Variants in AUH observed in about 807,000 individuals in gnomAD.
AUH encodes AU RNA binding methylglutaconyl-CoA hydratase, also known as methylglutaconyl-CoA hydratase, mitochondrial.
Under a neutral mutation model 42.3 loss-of-function variants are expected in AUH, and 29 were observed. The ratio of observed to expected loss-of-function variants is 0.69; its 90% CI spans 0.51 to 0.93. The LOEUF is 0.93. Among genes scored for constraint, AUH ranks in the 40% least tolerant of loss-of-function variants. The pLI is 0.00. For synonymous variants in AUH, 174 were observed against 166.4 expected (o/e 1.05, Z -0.35); for missense variants, 452 against 438.1 (o/e 1.03, Z -0.28).
At chr9:91,248,507 G>A (rs1828921766) in intron 6 of AUH, among the ~76,000 whole-genome samples, 1 of 152,232 alleles carries the variant, frequency 6.6e-6, no homozygotes, top group East Asian at 1.9e-4. Context: ...GGAAGCCTGT[G>A]GGAAGCGGGA....
At chr9:91,294,027 A>C (rs1345998492) in intron 6 of AUH, among the ~76,000 whole-genome samples, 1 of 152,238 alleles carries the variant, frequency 6.6e-6, no homozygotes, top group Non-Finnish European at 1.5e-5. Flanking sequence ...CCTGGATGAC[A>C]GTGCATCTGG....
chr9:91,219,480 A>G (rs1827012659), intron 7 of AUH, among the ~76,000 whole-genome samples: 1 of 152,208 alleles, frequency 6.6e-6, no homozygotes, highest in Admixed American at 6.5e-5. Flanking sequence ...CTTCTCTCAT[A>G]TTTGGGAAGA....
intron 3 of AUH, among the ~76,000 whole-genome samples, chr9:91,339,295 C>A (rs186545387): frequency 3.8e-4 from 58 of 152,282 alleles, no homozygotes; most frequent in African/African-American, 2.4e-5. Flanking sequence ...ATTGAAAAAT[C>A]GCTAAGTCAA....
chr9:91,319,743 G>A (rs1261507642), intron 4 of AUH, among the ~76,000 whole-genome samples: 1 of 152,212 alleles, frequency 6.6e-6, no homozygotes, highest in African/African-American at 2.4e-5. Flanking sequence ...GGGCTGGCAG[G>A]CCACTGCGCA....
intron 6 of AUH, among the ~76,000 whole-genome samples, chr9:91,263,108 A>G (rs1829788299): frequency 6.6e-6 from 1 of 152,210 alleles, no homozygotes; most frequent in Non-Finnish European, 1.5e-5. Context: ...CCAAGAACGC[A>G]AACTAGGTCT....
chr9:91,306,386 G>A lies in AUH; in HGVS notation c.506-8310C>T, dbSNP rs149675224. 4,349 of 984,892 alleles carry A rather than the reference G, an allele frequency of 4.4e-3. 17 individuals are homozygous for A. The highest frequency in any genetic ancestry group is 5.0e-3 in the Non-Finnish European group (4,140 of 829,590). The allele number at this position is 984,892 out of a possible 1,614,324, so 61.0% of individuals were successfully genotyped here. A position where few individuals can be genotyped will look rare whatever the true frequency, so the allele number is the denominator to read the frequency against. The stretch of plus-strand genomic sequence containing the variant: ...CTGTTCCACATTTAACAAAACTCTT[G>A]GCATTTAAAATGCTGCTTAACATGG... On this transcript the variant is annotated intron_variant, in intron 4 of 9. Transcript: ENST00000375731.
chr9:91,226,776 C>T (rs1365919957), intron 6 of AUH, among the ~76,000 whole-genome samples: 8 of 120,158 alleles, frequency 6.7e-5, no homozygotes, highest in African/African-American at 2.5e-4. Flanking sequence ...ATATGGCTAG[C>T]CAGTTTTCCC....
At chr9:91,218,075 C>T (rs913082182) in intron 7 of AUH, among the ~76,000 whole-genome samples, 1 of 152,112 alleles carries the variant, frequency 6.6e-6, no homozygotes, top group Non-Finnish European at 1.5e-5. Flanking sequence ...GAATTCAATG[C>T]TATATTTTGA....
chr9:91,271,744 A>G (rs1825146923), intron 6 of AUH, among the ~76,000 whole-genome samples: 2 of 152,164 alleles, frequency 1.3e-5, no homozygotes, highest in African/African-American at 4.8e-5. Flanking sequence ...GCAATGGCGC[A>G]ATCTCAGCTC....
intron 6 of AUH, chr9:91,294,646 C>T (rs1564073392): frequency 2.2e-6 from 1 of 453,062 alleles, no homozygotes; most frequent in Admixed American, 2.4e-5. Flanking sequence ...TGAAAACCTT[C>T]TGGAAAGGAT....
chr9:91,261,491 C>A (rs1352646940), intron 6 of AUH, among the ~76,000 whole-genome samples: 3 of 152,054 alleles, frequency 2.0e-5, no homozygotes, highest in Non-Finnish European at 4.4e-5. Flanking sequence ...GCTTACAGTT[C>A]TCTTTCTCTG....
chr9:91,226,161 C>A (rs1176353600), intron 6 of AUH, among the ~76,000 whole-genome samples: 1 of 150,684 alleles, frequency 6.6e-6, no homozygotes, highest in Non-Finnish European at 1.5e-5. Flanking sequence ...GTTTACAGTC[C>A]CACCAACAGT....
chr9:91,256,519 G>A (rs962079055), intron 6 of AUH, among the ~76,000 whole-genome samples: 14 of 151,996 alleles, frequency 9.2e-5, no homozygotes, highest in African/African-American at 3.4e-4. Context: ...AGAAGGGAGA[G>A]GAGGAAAGTC....
chr9:91,231,143 C>T (rs1355775468), intron 6 of AUH, among the ~76,000 whole-genome samples: 1 of 152,196 alleles, frequency 6.6e-6, no homozygotes, highest in Non-Finnish European at 1.5e-5. Context: ...GTGCCCCTCC[C>T]CCAGCCTCGG....
intron 6 of AUH, among the ~76,000 whole-genome samples, chr9:91,239,817 C>T (rs1828403734): frequency 6.6e-6 from 1 of 152,096 alleles, no homozygotes; most frequent in East Asian, 1.9e-4. Flanking sequence ...ACTGGCTCAA[C>T]CCCAGCAGAA....
chr9:91,352,611 G>A (rs2132057711), intron 3 of AUH, among the ~76,000 whole-genome samples: 1 of 152,096 alleles, frequency 6.6e-6, no homozygotes, highest in South Asian at 2.1e-4. Flanking sequence ...GAAATCACTT[G>A]GCCCAACCTC....
intron 6 of AUH, among the ~76,000 whole-genome samples, chr9:91,252,567 C>T (rs1829194390): frequency 6.6e-6 from 1 of 152,152 alleles, no homozygotes; most frequent in Admixed American, 6.5e-5. Flanking sequence ...ACAACAAAGA[C>T]TGTGTGTGGC....
chr9:91,244,778 C>T lies in AUH; in HGVS notation c.656-23786G>A, dbSNP rs569058646. Reference sequence around the variant, plus strand: ...TAGACATGACGAGTATTAATTACTGCTCTCCTAGCAAGAACCATCAAAGTA... The same window carrying T: ...TAGACATGACGAGTATTAATTACTGTTCTCCTAGCAAGAACCATCAAAGTA... On this transcript the variant is annotated intron_variant, in intron 6 of 9. Transcript: ENST00000375731. 8.5e-5 allele frequency among the ~76,000 whole-genome samples: 13 copies of T among 152,262 alleles called. No homozygotes were observed. In the East Asian group the frequency reaches 2.3e-3, roughly 27 times the overall value.
At chr9:91,288,161 A>G (rs1826565961) in intron 6 of AUH, among the ~76,000 whole-genome samples, 1 of 152,084 alleles carries the variant, frequency 6.6e-6, no homozygotes, top group South Asian at 2.1e-4. Context: ...TAGTAATAAT[A>G]AGGTTTCCTG....
Sources: gnomAD v4.1 joint callset for allele counts (sites outside exome capture counted in the v4.1 genomes callset) on GRCh38, gnomAD v4.1.1 for gene constraint, MANE v1.5 for transcripts, NCBI Gene and HGNC (gene_info 2026-07-23, HGNC 2026-07-21) for gene names.